The following NUP210 variants were observed in gnomAD, a reference collection of about 807,000 sequenced individuals.
NUP210 encodes the protein nuclear pore membrane glycoprotein 210.
Under a neutral mutation model 196.0 loss-of-function variants are expected in NUP210, and 151 were observed. That is an observed-to-expected ratio of 0.77 (90% CI 0.67 to 0.88). The LOEUF is 0.88. NUP210 is among the 40% of genes least tolerant of loss of function. The pLI, the probability that NUP210 is intolerant of heterozygous loss-of-function variation, is 0.00. For synonymous variants in NUP210, 1,070 were observed against 1,052.7 expected (o/e 1.02, Z -0.32); for missense variants, 2,314 against 2,493.7 (o/e 0.93, Z 1.53).
intron 31 of NUP210, among the ~76,000 whole-genome samples, chr3:13,327,726 C>T (rs376087634): frequency 6.6e-6 from 1 of 152,108 alleles, no homozygotes; most frequent in African/African-American, 2.4e-5. Context: ...GCTGAGGCCC[C>T]GAGGGGAAAG....
rs1028033965 is a variant in NUP210, at chr3:13,344,889, C to G, written c.2836-1586G>C. 5 of 978,352 alleles carry G rather than the reference C, an allele frequency of 5.1e-6. No individual in the cohort carries two copies. The East Asian group carries it at 5.7e-4, about 112-fold the overall frequency. The allele number at this position is 978,352 out of a possible 1,614,324, so 60.6% of individuals were successfully genotyped here. Reference sequence around the variant, plus strand: ...CTGGCTCCAAGTCATCCTCCAGGCCCAGGTCCAGCGTCCTTCCTCAGAACA... The same window carrying G: ...CTGGCTCCAAGTCATCCTCCAGGCCGAGGTCCAGCGTCCTTCCTCAGAACA... On this transcript the variant is annotated intron_variant, in intron 20 of 39. Coordinates refer to ENST00000254508, the MANE Select transcript of NUP210 (RefSeq NM_024923.4).
At position 13,323,387 on chromosome 3, in the gene NUP210, G is replaced by T; in HGVS notation, c.4690C>A (p.Pro1564Thr). ...PQRIMARHLH[P>T]IQTSFQEATA... is the part of the protein sequence containing the mutation. Reference sequence around the variant, plus strand: ...GCCTCCTGGAAGCTGGTCTGGATGGGGTGGAGGTGACGGGCCATGATCCTC... The same window carrying T: ...GCCTCCTGGAAGCTGGTCTGGATGGTGTGGAGGTGACGGGCCATGATCCTC... Residue 1564 changes from proline (P) to threonine (T), a missense_variant, in exon 34 of 40, where the codon CCC becomes ACC. Pro to Thr is a conservative substitution (Grantham distance 38, BLOSUM62 -1). Transcript: ENST00000254508. The surrounding 1 kb of genome is among the most constrained non-coding windows in gnomAD (Gnocchi z 4.3). The T allele has an allele frequency of 6.2e-7, 1 of 1,614,158 alleles. No individual in the cohort carries two copies. The highest frequency in any genetic ancestry group is 1.1e-5 in the South Asian group (1 of 91,082).
rs149524649 is a variant in NUP210, at chr3:13,373,838, C to G, written c.1467G>C (p.Ser489=). 29 of 1,613,816 alleles carry G rather than the reference C, an allele frequency of 1.8e-5. No homozygotes were observed. The African/African-American group carries it at 3.5e-4, about 19-fold the overall frequency. ...HGGSGNFSWS[S]SSHLVATVTV... is the part of the protein sequence containing the mutation. ...TAACTGTGGCAACCAGGTGGCTTGACGAAGACCAGCTGAAGTTCCCACTGC... is the reference window on the plus strand; with the variant it reads ...TAACTGTGGCAACCAGGTGGCTTGAGGAAGACCAGCTGAAGTTCCCACTGC... The change falls in exon 12 of 40, where the codon TCG becomes TCC. Residue 489 remains serine, a synonymous_variant. Coordinates refer to ENST00000254508, the MANE Select transcript of NUP210 (RefSeq NM_024923.4).
At position 13,323,428 on chromosome 3, in the gene NUP210, AC is replaced by A; in HGVS notation, c.4648del (p.Val1550TrpfsTer28). On this transcript the variant is annotated frameshift_variant, in exon 34 of 40. Transcript: ENST00000254508. LOFTEE classifies it high-confidence loss of function. This position sits in a 1 kb window ranked among gnomAD's most constrained non-coding sequence, Gnocchi z 4.3. ...CATGATCCTCTGAGGGACGCTGACC[AC>A]CACCTAGAGAGGGAGCCAAGGAAGC... The part of the protein sequence containing the change: ...AGHLRTYKEV[V>X]VSVPQRIMAR... The A allele has an allele frequency of 6.2e-7, 1 of 1,613,986 alleles. No individual in the cohort carries two copies. The highest frequency in any genetic ancestry group is 8.5e-7 in the Non-Finnish European group (1 of 1,179,976).
At chr3:13,378,032 G>A (rs1698978217) in intron 8 of NUP210, among the ~76,000 whole-genome samples, 1 of 152,202 alleles carries the variant, frequency 6.6e-6, no homozygotes, top group Admixed American at 6.5e-5. Flanking sequence ...CCTAAGTCCT[G>A]AGCTGACCTC....
chr3:13,353,410 G>T, intron 18 of NUP210, 144 bp downstream of exon 18: 1 of 671,950 alleles, frequency 1.5e-6, no homozygotes. Flanking sequence ...TGCCTCTCCT[G>T]GGGCCTCCAA....
chr3:13,329,243 C>T (rs1457712266), intron 30 of NUP210, among the ~76,000 whole-genome samples: 1 of 152,184 alleles, frequency 6.6e-6, no homozygotes, highest in East Asian at 1.9e-4. Context: ...TGCAAGAGGG[C>T]CCCCTGGGCT....
intron 2 of NUP210, among the ~76,000 whole-genome samples, chr3:13,398,842 G>A (rs572711002): frequency 2.0e-5 from 3 of 152,368 alleles, no homozygotes; most frequent in Admixed American, 1.3e-4. Flanking sequence ...GCTGAGGCAG[G>A]AGGATTGCTT....
rs1700492947 is a variant in NUP210 at position 13,420,249 on chromosome 3, C to G, written c.-23G>C. 1 of 1,074,478 alleles carries G rather than the reference C, an allele frequency of 9.3e-7. No individual in the cohort carries two copies. The highest frequency in any genetic ancestry group is 5.4e-5 in the Admixed American group (1 of 18,596). The allele number at this position is 1,074,478 out of a possible 1,614,324, so 66.6% of individuals were successfully genotyped here. On this transcript the variant is annotated 5_prime_UTR_variant, in exon 1 of 40. Coordinates refer to ENST00000254508, the MANE Select transcript of NUP210 (RefSeq NM_024923.4). The surrounding 1 kb of genome is among the most constrained non-coding windows in gnomAD (Gnocchi z 4.8). ...CATCCTCGCCGCGCGTCACCTCCCG[C>G]GACCCTGCGCCCGGCCGCCCGCGCC...
At position 13,319,232 on chromosome 3, in the gene NUP210, A is replaced by G; in HGVS notation, c.5477T>C (p.Ile1826Thr). 2 of 1,613,038 alleles carry G rather than the reference A, an allele frequency of 1.2e-6. No homozygotes were observed. Among genetic ancestry groups the G allele is most frequent in the Non-Finnish European group, 1.7e-6 (2 of 1,179,554 alleles). ...AGAGATACAGGCAGCCTCCTCACCT[A>G]TGATCATGACCGCTGTCCCAGCCAA... ...ALLAGTAVMI[I>T]AYHTVCTPRD... Residue 1826 changes from isoleucine to threonine, a missense_variant and splice_region_variant, in exon 38 of 40, where the codon ATA (isoleucine) becomes ACA (threonine). Transcript: ENST00000254508.
chr3:13,398,454 C>A (rs1285827404), intron 2 of NUP210, among the ~76,000 whole-genome samples: 1 of 152,072 alleles, frequency 6.6e-6, no homozygotes, highest in Non-Finnish European at 1.5e-5. Context: ...TAAAAATATT[C>A]AAAGCTGTGG....
chr3:13,321,714 C>T lies in NUP210; in HGVS notation c.5037G>A (p.Glu1679=), dbSNP rs61756079. Residue 1679 remains glutamate, a synonymous_variant, in exon 36 of 40, where the codon GAG becomes GAA. Coordinates refer to ENST00000254508, the MANE Select transcript of NUP210 (RefSeq NM_024923.4). ...ASLSSSHFST[E]QVGAEVPFSP... ...TGAAGGGCACCTCGGCCCCCACCTG[C>T]TCTGTGGAGAAGTGGCTGCTGGAGA... is the stretch of plus-strand genomic sequence containing the variant. 889 of 1,614,166 alleles carry T rather than the reference C, an allele frequency of 5.5e-4. 7 individuals carry two copies. The African/African-American group carries it at 0.011, about 20-fold the overall frequency.
Position 13,386,282 on chromosome 3 carries a change from T to G in NUP210, c.810A>C (p.Lys270Asn). The G allele has an allele frequency of 1.9e-6, 3 of 1,612,904 alleles. No homozygotes were observed. Among genetic ancestry groups the G allele is most frequent in the Non-Finnish European group, 2.5e-6 (3 of 1,179,410 alleles). Residue 270 changes from lysine to asparagine, a missense_variant, in exon 6 of 40, where the codon AAA (lysine) becomes AAC (asparagine). Transcript: ENST00000254508. ...GCAGAGCCAATGACACACCTGTAAT[T>G]TTCCCTTGCCTGATCTTCTGCACCT... ...HYKVQKIRQG[K>N]ITELSMPSDQ...
At chr3:13,373,639 A>C in intron 12 of NUP210, 79 bp downstream of exon 12, 2 of 1,463,780 alleles carry the variant, frequency 1.4e-6, no homozygotes, top group Non-Finnish European at 9.5e-7. Flanking sequence ...TTCTGAGTGA[A>C]GTCGAGGCTT....
chr3:13,360,604 G>A, intron 14 of NUP210, 113 bp from the exon 15 acceptor site: 1 of 719,456 alleles, frequency 1.4e-6, no homozygotes. Context: ...GGTCAGGCAA[G>A]CCCCATCTCC....
intron 36 of NUP210, among the ~76,000 whole-genome samples, chr3:13,321,060 A>T (rs1696507989): frequency 6.6e-6 from 1 of 152,266 alleles, no homozygotes; most frequent in South Asian, 2.1e-4. Flanking sequence ...GGCTGCAGCA[A>T]GGCAGGAGGA....
rs1384617901 is a variant in NUP210 at position 13,350,490 on chromosome 3, A to G, written c.2835+1389T>C. 6.6e-6 allele frequency among the ~76,000 whole-genome samples: 1 copy of G among 151,818 alleles called. No homozygotes were observed. The highest frequency in any genetic ancestry group is 1.5e-5 in the Non-Finnish European group (1 of 67,950). ...AACAAAACAAAACAAAAAACAAAAC[A>G]AAACAGGAAAACATGACCCGTACTC... On this transcript the variant is annotated intron_variant, in intron 20 of 39. Transcript: ENST00000254508. This position sits in a 1 kb window ranked among gnomAD's most constrained non-coding sequence, Gnocchi z 4.1.
intron 2 of NUP210, 142 bp from the exon 3 acceptor site, chr3:13,397,630 A>G (rs950739708): frequency 1.8e-5 from 14 of 763,348 alleles, no homozygotes; most frequent in Admixed American, 1.2e-4. Context: ...TGCCTCACAC[A>G]TGGCCCCACT....
rs778469384 is a variant in NUP210, at chr3:13,379,518, C to T, written c.976+45G>A. 5 of 1,611,272 alleles carry T rather than the reference C, an allele frequency of 3.1e-6. No individual in the cohort carries two copies. The South Asian group carries it at 5.5e-5, about 18-fold the overall frequency. ...AAAAAAAGACTTGACTTCCAAACAG[C>T]AGCTCCGCCATGCCTAAGAACACAC... On this transcript the variant is annotated intron_variant, in intron 7 of 39. Coordinates refer to ENST00000254508, the MANE Select transcript of NUP210 (RefSeq NM_024923.4). This position sits in a 1 kb window ranked among gnomAD's most constrained non-coding sequence, Gnocchi z 4.2.
Sources: gnomAD v4.1 joint callset for allele counts (sites outside exome capture counted in the v4.1 genomes callset) on GRCh38, gnomAD v4.1.1 for gene constraint, Gnocchi (gnomAD v3.1) non-coding constraint, MANE v1.5 for transcripts, NCBI Gene and HGNC (gene_info 2026-07-23, HGNC 2026-07-21) for gene names.